Variants in CNTNAP2 observed in about 807,000 individuals in gnomAD.
CNTNAP2 encodes contactin associated protein 2.
Under a neutral mutation model 155.2 loss-of-function variants are expected in CNTNAP2, and 98 were observed. The ratio of observed to expected loss-of-function variants is 0.63; its 90% CI spans 0.54 to 0.75. The LOEUF is 0.75. CNTNAP2 is among the 30% of genes least tolerant of loss of function. CNTNAP2 has a pLI of 0.00. For synonymous variants in CNTNAP2, 651 were observed against 631.2 expected (o/e 1.03, Z -0.47); for missense variants, 1,727 against 1,688.1 (o/e 1.02, Z -0.40).
intron 15 of CNTNAP2, among the ~76,000 whole-genome samples, chr7:148,005,130 G>A (rs920470853): frequency 1.3e-5 from 2 of 152,066 alleles, no homozygotes; most frequent in African/African-American, 4.8e-5. Flanking sequence ...TATCTCCCAG[G>A]TCTGGAGACC....
intron 4 of CNTNAP2, among the ~76,000 whole-genome samples, chr7:147,067,704 A>G (rs1358186789): frequency 6.6e-6 from 1 of 152,142 alleles, no homozygotes; most frequent in Non-Finnish European, 1.5e-5. Flanking sequence ...CAACTTCTTT[A>G]TCCTTAAAGA....
At chr7:146,150,755 A>G (rs1359724989) in intron 1 of CNTNAP2, among the ~76,000 whole-genome samples, 1 of 152,080 alleles carries the variant, frequency 6.6e-6, no homozygotes, top group African/African-American at 2.4e-5. Context: ...TGATGAATGA[A>G]AAATTATTTT....
chr7:146,674,631 A>T (rs1340745717), intron 1 of CNTNAP2, among the ~76,000 whole-genome samples: 1 of 152,142 alleles, frequency 6.6e-6, no homozygotes, highest in Non-Finnish European at 1.5e-5. Flanking sequence ...CTGGGGAGGA[A>T]CAGGGGCAGC....
At chr7:146,440,565 GCTGT>G (rs1190432842) in intron 1 of CNTNAP2, among the ~76,000 whole-genome samples, 1 of 151,492 alleles carries the variant, frequency 6.6e-6, no homozygotes, top group Non-Finnish European at 1.5e-5. Flanking sequence ...CACTGGTTAT[GCTGT>G]CTGTGTGTAT....
intron 8 of CNTNAP2, among the ~76,000 whole-genome samples, chr7:147,193,085 A>G (rs1313678698): frequency 6.6e-6 from 1 of 152,174 alleles, no homozygotes; most frequent in Non-Finnish European, 1.5e-5. Context: ...TATAATACTT[A>G]ATTATTCTTC....
intron 9 of CNTNAP2, among the ~76,000 whole-genome samples, chr7:147,336,458 A>G (rs747230623): frequency 6.6e-6 from 1 of 152,208 alleles, no homozygotes; most frequent in Non-Finnish European, 1.5e-5. Context: ...CCTATTCTTC[A>G]TAAGACCTTA....
At chr7:146,431,715 A>G (rs796944008) in intron 1 of CNTNAP2, among the ~76,000 whole-genome samples, 26 of 152,192 alleles carry the variant, frequency 1.7e-4, no homozygotes, top group African/African-American at 6.0e-4. Context: ...ACAGCTGGTT[A>G]GTAAGTAAGA....
chr7:146,161,816 A>G lies in CNTNAP2; in HGVS notation c.97+44843A>G, dbSNP rs139593021. On this transcript the variant is annotated intron_variant, in intron 1 of 23. Coordinates refer to ENST00000361727, the MANE Select transcript of CNTNAP2 (RefSeq NM_014141.6). ...ATGGTACTGGTACCAAAACAGAGATATAGACCAATGGAACACAATAGAGCC... is the reference window on the plus strand; with the variant it reads ...ATGGTACTGGTACCAAAACAGAGATGTAGACCAATGGAACACAATAGAGCC... 8.6e-3 allele frequency among the ~76,000 whole-genome samples: 1,309 copies of G among 152,318 alleles called. 19 individuals carry two copies. Among genetic ancestry groups the G allele is most frequent in the African/African-American group, 0.03 (1,243 of 41,572 alleles).
chr7:147,751,930 A>G (rs1259361320), intron 13 of CNTNAP2, among the ~76,000 whole-genome samples: 2 of 152,110 alleles, frequency 1.3e-5, no homozygotes, highest in South Asian at 4.2e-4. Context: ...AAGACCAGAG[A>G]GGTTAAGTGC....
intron 1 of CNTNAP2, among the ~76,000 whole-genome samples, chr7:146,600,084 T>C (rs980674929): frequency 2.0e-5 from 3 of 152,064 alleles, no homozygotes; most frequent in Non-Finnish European, 2.9e-5. Flanking sequence ...GACACATTAA[T>C]TTTTCCCACA....
chr7:146,541,530 T>C (rs1471493411), intron 1 of CNTNAP2, among the ~76,000 whole-genome samples: 1 of 152,042 alleles, frequency 6.6e-6, no homozygotes, highest in Non-Finnish European at 1.5e-5. Context: ...CCCTACATTT[T>C]GCCTCTGTAG....
At chr7:147,635,223 T>G (rs2116916751) in intron 12 of CNTNAP2, among the ~76,000 whole-genome samples, 1 of 151,406 alleles carries the variant, frequency 6.6e-6, no homozygotes, top group Non-Finnish European at 1.5e-5. Flanking sequence ...ATTATTTTGC[T>G]TACGATCTGT....
intron 13 of CNTNAP2, among the ~76,000 whole-genome samples, chr7:147,728,273 TA>T (rs1301905221): frequency 6.6e-6 from 1 of 152,048 alleles, no homozygotes; most frequent in Non-Finnish European, 1.5e-5. Context: ...GTCATAATGG[TA>T]AATAAATAAC....
intron 8 of CNTNAP2, among the ~76,000 whole-genome samples, chr7:147,192,228 A>G (rs1416694325): frequency 1.3e-5 from 2 of 152,090 alleles, no homozygotes; most frequent in Non-Finnish European, 2.9e-5. Context: ...GGTCGGAAAC[A>G]TTTTACTCTT....
At chr7:147,069,416 G>T (rs1035354251) in intron 4 of CNTNAP2, among the ~76,000 whole-genome samples, 17 of 152,082 alleles carry the variant, frequency 1.1e-4, no homozygotes, top group African/African-American at 4.1e-4. Flanking sequence ...CAGAAGAAGG[G>T]GATTATACAG....
chr7:148,025,694 T>C (rs1440856242), intron 15 of CNTNAP2, among the ~76,000 whole-genome samples: 1 of 152,214 alleles, frequency 6.6e-6, no homozygotes, highest in Non-Finnish European at 1.5e-5. Context: ...ATTCTTACAC[T>C]TACTTACTTG....
At chr7:146,962,817 C>G (rs1198451420) in intron 3 of CNTNAP2, 1 of 152,260 alleles carries the variant, frequency 6.6e-6, no homozygotes, top group Non-Finnish European at 1.5e-5. Context: ...TCCCAAAGTG[C>G]TGGCATTACA....
chr7:147,390,803 A>C (rs574214011), intron 9 of CNTNAP2, among the ~76,000 whole-genome samples: 46 of 152,156 alleles, frequency 3.0e-4, no homozygotes, highest in Non-Finnish European at 5.9e-4. Flanking sequence ...CGTAAATATT[A>C]GGAGGTATTT....
At chr7:146,349,142 G>A (rs184962000) in intron 1 of CNTNAP2, among the ~76,000 whole-genome samples, 20 of 152,286 alleles carry the variant, frequency 1.3e-4, no homozygotes, top group Non-Finnish European at 2.4e-4. Context: ...GATTAATTCA[G>A]AGTCAGCTTG....
Sources: gnomAD v4.1 joint callset for allele counts (sites outside exome capture counted in the v4.1 genomes callset) on GRCh38, gnomAD v4.1.1 for gene constraint, MANE v1.5 for transcripts, NCBI Gene and HGNC (gene_info 2026-07-23, HGNC 2026-07-21) for gene names.